ARL15: variants seen among roughly 807,000 people sequenced by gnomAD.
ARL15 encodes the protein ARF like GTPase 15.
In ARL15, 19 loss-of-function variants were observed where a neutral mutation model predicts 25.2. That is an observed-to-expected ratio of 0.75 (90% confidence interval 0.53 to 1.10). ARL15 has a LOEUF of 1.10. Among genes scored for constraint, ARL15 ranks in the 50% least tolerant of loss-of-function variants. The probability of loss-of-function intolerance (pLI) is 0.00; values close to 1 mark genes in which losing one functional copy is unlikely to be tolerated. For missense variants in ARL15, 220 were observed against 246.0 expected, an observed-to-expected ratio of 0.89 and a Z score of 0.71; for synonymous variants, 94 against 86.8, an observed-to-expected ratio of 1.08 and a Z score of -0.46.
At chr5:54,002,415 T>C (rs982323714) in intron 4 of ARL15, among the ~76,000 whole-genome samples, 5 of 152,112 alleles carry the variant, frequency 3.3e-5, no homozygotes, top group African/African-American at 1.2e-4. Context: ...GGAGGTGTCA[T>C]AAGGGTAATA....
chr5:54,216,674 G>A (rs941071897), intron 1 of ARL15, among the ~76,000 whole-genome samples: 12 of 151,962 alleles, frequency 7.9e-5, no homozygotes, highest in African/African-American at 2.9e-4. Flanking sequence ...TCCCCAAAAT[G>A]TACTAATCAT....
At chr5:53,914,137 C>CCA (rs3842045) in intron 4 of ARL15, among the ~76,000 whole-genome samples, 33,793 of 148,338 alleles carry the variant, frequency 0.23, 3,975 homozygotes, top group Middle Eastern at 0.25. Context: ...GTGCACAGGC[C>CCA]CACACACACA....
At chr5:53,925,207 T>TTC (rs1745981038) in intron 4 of ARL15, among the ~76,000 whole-genome samples, 1 of 151,784 alleles carries the variant, frequency 6.6e-6, no homozygotes, top group Non-Finnish European at 1.5e-5. Context: ...TATAATTTTT[T>TTC]TTTTTTTGAG....
chr5:54,056,735 G>C (rs888434687), intron 4 of ARL15, among the ~76,000 whole-genome samples: 1 of 152,056 alleles, frequency 6.6e-6, no homozygotes, highest in East Asian at 1.9e-4. Flanking sequence ...AGGGAGCATG[G>C]TGTGATGGAA....
intron 4 of ARL15, among the ~76,000 whole-genome samples, chr5:53,892,541 G>A (rs562855724): frequency 2.0e-5 from 3 of 151,920 alleles, no homozygotes; most frequent in South Asian, 4.2e-4. Context: ...AAGAACTATA[G>A]GAATCATGGT....
chr5:54,177,064 TG>T lies in ARL15; in HGVS notation c.49-5137del, dbSNP rs1429520744. Among the ~76,000 whole-genome samples the T allele has an allele frequency of 9.8e-5, 15 of 152,292 alleles. No individual in the cohort carries two copies. In the South Asian group the frequency reaches 1.0e-3, roughly 11 times the overall value. The stretch of plus-strand genomic sequence containing the variant: ...CAGTCTGAATATAAGTATACCCTCT[TG>T]GGGGGCCAACCAAGGTCATGGTCTC... On this transcript the variant is annotated intron_variant, in intron 1 of 4. Transcript: ENST00000504924.
intron 4 of ARL15, among the ~76,000 whole-genome samples, chr5:53,942,528 A>G (rs113800047): frequency 2.7e-5 from 4 of 150,074 alleles, no homozygotes; most frequent in African/African-American, 9.8e-5. Context: ...CAGGTGGATC[A>G]TGAGGTCAAG....
At chr5:54,072,162 T>G (rs868754577) in intron 4 of ARL15, among the ~76,000 whole-genome samples, 12 of 152,114 alleles carry the variant, frequency 7.9e-5, no homozygotes, top group South Asian at 4.1e-4. Flanking sequence ...GATATGTCTT[T>G]AAAAATCATA....
In ARL15 at chr5:54,310,282, G is replaced by A. The variant is rs184735837; in HGVS notation, c.48+150C>T. 4,002 of 891,720 alleles carry A rather than the reference G, an allele frequency of 4.5e-3. 19 individuals are homozygous for A. The highest frequency in any genetic ancestry group is 7.3e-3 in the Middle Eastern group (30 of 4,116). 55.2% of individuals were successfully genotyped at this position (891,720 alleles called of 1,614,324 possible). A position where few individuals can be genotyped will look rare whatever the true frequency, so the allele number is the denominator to read the frequency against. On this transcript the variant is annotated intron_variant, in intron 1 of 4. Transcript: ENST00000504924. ...CCTGGAGGCTGCCCCTCCGAGTCCA[G>A]GGAAAGGCTTACCAGCCGGCTGCGG...
chr5:54,063,255 G>C (rs948321356), intron 4 of ARL15, among the ~76,000 whole-genome samples: 2 of 152,242 alleles, frequency 1.3e-5, no homozygotes, highest in African/African-American at 4.8e-5. Context: ...GACAAGTTGA[G>C]GGATCTGTGG....
chr5:54,164,544 G>A (rs2112379602), intron 2 of ARL15, among the ~76,000 whole-genome samples: 1 of 152,046 alleles, frequency 6.6e-6, no homozygotes, highest in Non-Finnish European at 1.5e-5. Context: ...TTTAAGTTCT[G>A]TTAGGTACAT....
At chr5:54,237,972 GA>G (rs952341293) in intron 1 of ARL15, among the ~76,000 whole-genome samples, 22 of 151,998 alleles carry the variant, frequency 1.4e-4, no homozygotes, top group African/African-American at 5.3e-4. Flanking sequence ...ATTTTAAATA[GA>G]AAAAACAAAT....
intron 3 of ARL15, among the ~76,000 whole-genome samples, chr5:54,141,344 G>A (rs574065568): frequency 1.3e-4 from 20 of 151,956 alleles, no homozygotes; most frequent in African/African-American, 3.9e-4. Context: ...TTTTCTTTCC[G>A]AGTCCTTTCC....
chr5:54,116,961 C>T (rs1238725150), intron 3 of ARL15, among the ~76,000 whole-genome samples: 1 of 152,104 alleles, frequency 6.6e-6, no homozygotes, highest in Non-Finnish European at 1.5e-5. Flanking sequence ...TAAGTTAATG[C>T]CCACATACAT....
At chr5:54,181,770 C>A (rs547099987) in intron 1 of ARL15, among the ~76,000 whole-genome samples, 1 of 152,278 alleles carries the variant, frequency 6.6e-6, no homozygotes, top group South Asian at 2.1e-4. Context: ...CCCATCTCTT[C>A]AAAAGAAAAA....
At chr5:54,113,481 T>C (rs1579812200) in intron 3 of ARL15, 71 bp from the exon 4 acceptor site, 1 of 1,423,806 alleles carries the variant, frequency 7.0e-7, no homozygotes, top group African/African-American at 1.4e-5. Flanking sequence ...CCAACAGTAA[T>C]TCCTACTGGA....
chr5:53,967,598 T>C (rs76280182), intron 4 of ARL15, among the ~76,000 whole-genome samples: 4,501 of 150,590 alleles, frequency 0.03, 90 homozygotes, highest in Non-Finnish European at 0.049. Flanking sequence ...TAGGTAAAAA[T>C]GGATCCAGTT....
intron 1 of ARL15, among the ~76,000 whole-genome samples, chr5:54,192,295 T>C (rs1201363208): frequency 1.3e-5 from 2 of 151,622 alleles, no homozygotes; most frequent in African/African-American, 4.8e-5. Context: ...AATTGCAACC[T>C]TTCCCACCAC....
intron 3 of ARL15, among the ~76,000 whole-genome samples, chr5:54,119,924 T>C (rs1753021900): frequency 6.6e-6 from 1 of 152,202 alleles, no homozygotes. Flanking sequence ...TTTCTCTTGG[T>C]TCTCCATGTA....
Sources: allele counts gnomAD v4.1 joint callset (sites outside exome capture counted in the v4.1 genomes callset), GRCh38; gene constraint gnomAD v4.1.1; transcripts MANE v1.5; gene names NCBI Gene and HGNC (gene_info 2026-07-23, HGNC 2026-07-21).